KALRN: variants seen among roughly 807,000 people sequenced by gnomAD.
The protein encoded by KALRN is kalirin.
In KALRN, 70 loss-of-function variants were observed where a neutral mutation model predicts 353.7. The ratio of observed to expected loss-of-function variants is 0.20; its 90% confidence interval spans 0.16 to 0.24. The LOEUF (loss-of-function observed/expected upper bound fraction) is 0.24. KALRN is among the 10% of genes least tolerant of loss of function. The probability of loss-of-function intolerance (pLI) is 1.00; values close to 1 mark genes in which losing one functional copy is unlikely to be tolerated. For missense variants in KALRN, 2,791 were observed against 3,756.7 expected (o/e 0.74, Z 6.72); for synonymous variants, 1,391 against 1,434.8 (o/e 0.97, Z 0.69).
At chr3:124,488,113 G>C (rs541009491) in intron 28 of KALRN, 91 bp from the exon 29 acceptor site, 4 of 739,060 alleles carry the variant, frequency 5.4e-6, no homozygotes, top group Non-Finnish European at 9.5e-6. Flanking sequence ...TACAGAGAGC[G>C]AAGCTGGTCT....
chr3:124,526,605 T>C (rs977201148), intron 33 of KALRN, among the ~76,000 whole-genome samples: 3 of 152,006 alleles, frequency 2.0e-5, no homozygotes, highest in African/African-American at 7.2e-5. Flanking sequence ...ATAATAATAG[T>C]GCATATGGGA....
intron 1 of KALRN, among the ~76,000 whole-genome samples, chr3:124,146,664 G>C (rs976891897): frequency 6.6e-6 from 1 of 152,026 alleles, no homozygotes; most frequent in Non-Finnish European, 1.5e-5. Context: ...GATCACTTGA[G>C]GCCAGGAGTT....
At position 124,655,808 on chromosome 3, in the gene KALRN, T is replaced by C. The variant is rs1484188548; in HGVS notation, c.5862+141T>C. ...GCAGAAATGAAAATAAAAATGGTAA[T>C]AAGTAGAATATGTAGGCAATATTTT... On this transcript the variant is annotated intron_variant, in intron 39 of 59. Coordinates refer to ENST00000682506, the MANE Select transcript of KALRN (RefSeq NM_001388419.1). 4.6e-6 allele frequency: 3 copies of C among 651,234 alleles called. No individual in the cohort carries two copies. The African/African-American group carries it at 5.3e-5, about 12-fold the overall frequency. 40.3% of individuals were successfully genotyped at this position (651,234 alleles called of 1,614,324 possible). A position where few individuals can be genotyped will look rare whatever the true frequency, so the allele number is the denominator to read the frequency against.
At chr3:124,216,530 A>G (rs2077350415) in intron 1 of KALRN, among the ~76,000 whole-genome samples, 1 of 152,186 alleles carries the variant, frequency 6.6e-6, no homozygotes, top group Admixed American at 6.5e-5. Context: ...TTCCCCCATC[A>G]CATACATTTT....
chr3:124,290,441 G>A (rs1436023806), intron 5 of KALRN, among the ~76,000 whole-genome samples: 2 of 152,178 alleles, frequency 1.3e-5, no homozygotes, highest in Admixed American at 6.5e-5. Context: ...GGCTGAAGGA[G>A]GAATTGGATG....
chr3:124,367,490 G>C (rs2085015884), intron 10 of KALRN, among the ~76,000 whole-genome samples: 1 of 110,150 alleles, frequency 9.1e-6, no homozygotes, highest in Admixed American at 8.0e-5. Flanking sequence ...TCCCGGACGG[G>C]GCAGCTGGCC....
chr3:124,050,615 A>C (rs1199788950), intron 1 of KALRN, among the ~76,000 whole-genome samples: 1 of 152,100 alleles, frequency 6.6e-6, no homozygotes, highest in Non-Finnish European at 1.5e-5. Flanking sequence ...TATATAGTGG[A>C]GCCTGAGACC....
At chr3:124,055,090 G>A (rs144741252) in intron 1 of KALRN, among the ~76,000 whole-genome samples, 3 of 152,284 alleles carry the variant, frequency 2.0e-5, no homozygotes, top group Non-Finnish European at 2.9e-5. Flanking sequence ...TACTTTTGGG[G>A]GAAGGGGGTT....
rs573031952 is a variant in KALRN at position 124,200,135 on chromosome 3, G to T, written c.74-27855G>T. Among the ~76,000 whole-genome samples the T allele has an allele frequency of 5.3e-5, 8 of 152,228 alleles. No homozygotes were observed. In the East Asian group the frequency reaches 1.5e-3, roughly 29 times the overall value. On this transcript the variant is annotated intron_variant, in intron 1 of 59. Transcript: ENST00000682506. Reference sequence around the variant, plus strand: ...GTGAGAAGATGGTCAGTGGTGTAATGAAAAAAGTACTGGGTTGACAGTAGA... The same window carrying T: ...GTGAGAAGATGGTCAGTGGTGTAATTAAAAAAGTACTGGGTTGACAGTAGA...
At chr3:124,309,988 A>T (rs911892736) in intron 6 of KALRN, among the ~76,000 whole-genome samples, 5 of 152,232 alleles carry the variant, frequency 3.3e-5, no homozygotes, top group Admixed American at 2.6e-4. Flanking sequence ...CTATATTTTC[A>T]GATGACACAA....
intron 11 of KALRN, among the ~76,000 whole-genome samples, chr3:124,393,036 G>GCTCACTGCAACCTCTGC (rs1487646836): frequency 6.7e-6 from 1 of 150,354 alleles, no homozygotes; most frequent in Non-Finnish European, 1.5e-5. Flanking sequence ...CACAATCTCG[G>GCTCACTGCAACCTCTGC]CTCACTGCAA....
chr3:124,168,641 C>G (rs946223779), intron 1 of KALRN, among the ~76,000 whole-genome samples: 4 of 152,144 alleles, frequency 2.6e-5, no homozygotes, highest in Admixed American at 2.6e-4. Flanking sequence ...GTGACTCTAC[C>G]CTCTCTGCTT....
At chr3:124,275,724 A>G (rs1451690068) in intron 5 of KALRN, among the ~76,000 whole-genome samples, 1 of 152,216 alleles carries the variant, frequency 6.6e-6, no homozygotes, top group Non-Finnish European at 1.5e-5. Context: ...TCTCTTCCAA[A>G]TGAACCTGCT....
Position 124,699,941 on chromosome 3 carries a change from G to A in KALRN, c.7904G>A (p.Gly2635Glu), listed in dbSNP as rs948857399. The A allele has an allele frequency of 1.2e-6, 2 of 1,614,078 alleles. No individual in the cohort carries two copies. Among genetic ancestry groups the A allele is most frequent in the Admixed American group, 1.7e-5 (1 of 60,000 alleles). ...CTCGTCATCGAAGACCTTAGTCCCG[G>A]GTGTCCTTATCAGTTCAGAGTCAGT... ...TYLVIEDLSP[G>E]CPYQFRVSAS... Residue 2635 changes from glycine to glutamate, a missense_variant, in exon 56 of 60, where the codon GGG (glycine) becomes GAG (glutamate). Gly to Glu is a moderately conservative substitution (Grantham distance 98, BLOSUM62 -2). Coordinates refer to ENST00000682506, the MANE Select transcript of KALRN (RefSeq NM_001388419.1).
At chr3:124,347,060 T>C in intron 9 of KALRN, 83 bp from the exon 10 acceptor site, 1 of 1,595,110 alleles carries the variant, frequency 6.3e-7, no homozygotes, top group Non-Finnish European at 8.5e-7. Flanking sequence ...TAGGGGTGGT[T>C]AGGACTCTAG....
At chr3:124,676,506 G>A (rs1206480722) in intron 49 of KALRN, among the ~76,000 whole-genome samples, 2 of 152,186 alleles carry the variant, frequency 1.3e-5, no homozygotes, top group Admixed American at 6.5e-5. Context: ...CCATGATGAC[G>A]AGTTCTTCTG....
intron 3 of KALRN, among the ~76,000 whole-genome samples, chr3:124,260,472 A>G (rs958920661): frequency 2.0e-5 from 3 of 152,136 alleles, no homozygotes; most frequent in African/African-American, 4.8e-5. Flanking sequence ...ACATCCTTGC[A>G]AATAGCAGCC....
At position 124,642,806 on chromosome 3, in the gene KALRN, G is replaced by GTTGTTTTTTT. The variant is rs796628603; in HGVS notation, c.5664+5505_5664+5506insGTTTTTTTTT. On this transcript the variant is annotated intron_variant, in intron 37 of 59. Coordinates refer to ENST00000682506, the MANE Select transcript of KALRN (RefSeq NM_001388419.1). ...TCTGTGGAAGAGATTCCCAAGCCTC[G>GTTGTTTTTTT]TTTTTTTTTTTTTTTTTTTTGAGAC... 9.2e-3 allele frequency among the ~76,000 whole-genome samples: 894 copies of GTTGTTTTTTT among 96,744 alleles called. 8 individuals are homozygous for GTTGTTTTTTT. Among genetic ancestry groups the GTTGTTTTTTT allele is most frequent in the East Asian group, 0.067 (140 of 2,076 alleles). The allele number at this position is 96,744 out of a possible 152,430, so 63.5% of individuals were successfully genotyped here.
At chr3:124,240,802 TA>T (rs2080344973) in intron 3 of KALRN, among the ~76,000 whole-genome samples, 1 of 152,206 alleles carries the variant, frequency 6.6e-6, no homozygotes, top group Non-Finnish European at 1.5e-5. Flanking sequence ...TCACCATTTC[TA>T]AGTTTAATAT....
Sources: allele counts gnomAD v4.1 joint callset (sites outside exome capture counted in the v4.1 genomes callset), GRCh38; gene constraint gnomAD v4.1.1; transcripts MANE v1.5; gene names NCBI Gene and HGNC (gene_info 2026-07-23, HGNC 2026-07-21).